USP3: variants seen among roughly 807,000 people sequenced by gnomAD.
The protein encoded by USP3 is ubiquitin specific peptidase 3.
In USP3, 20 loss-of-function variants were observed where a neutral mutation model predicts 72.3. The ratio of observed to expected loss-of-function variants is 0.28; its 90% CI spans 0.19 to 0.40. USP3 has a LOEUF of 0.40. Ranked by LOEUF, USP3 falls within the 10% of genes least tolerant of loss-of-function variation. USP3 has a pLI of 1.00. For missense variants in USP3, 479 were observed against 633.9 expected, an observed-to-expected ratio of 0.76 and a Z score of 2.62; for synonymous variants, 222 against 225.3, an observed-to-expected ratio of 0.99 and a Z score of 0.13.
Position 63,589,162 on chromosome 15 carries a change from T to C in USP3, c.1397+151T>C. The C allele has an allele frequency of 1.0e-5, 8 of 777,680 alleles. No individual in the cohort carries two copies. The South Asian group carries it at 1.4e-4, about 13-fold the overall frequency. The allele number at this position is 777,680 out of a possible 1,614,324, so 48.2% of individuals were successfully genotyped here. On this transcript the variant is annotated intron_variant, in intron 14 of 14. Transcript: ENST00000380324. The stretch of plus-strand genomic sequence containing the variant: ...CTTCAGTTTTGGTGCGGAAGAGTAC[T>C]CCTCAGATGATGTTGTGAAGGCTTA...
chr15:63,552,085 C>T (rs961506693), intron 3 of USP3, among the ~76,000 whole-genome samples: 3 of 152,138 alleles, frequency 2.0e-5, no homozygotes, highest in Non-Finnish European at 2.9e-5. Context: ...TTAATGGCAT[C>T]GTGTAAATAT....
At chr15:63,539,641 A>G (rs1000893293) in intron 3 of USP3, among the ~76,000 whole-genome samples, 23 of 152,204 alleles carry the variant, frequency 1.5e-4, no homozygotes, top group African/African-American at 4.8e-4. Context: ...AATTAAATGG[A>G]AAATCTTGAA....
intron 1 of USP3, among the ~76,000 whole-genome samples, chr15:63,516,610 T>A (rs1002412470): frequency 6.6e-6 from 1 of 152,060 alleles, no homozygotes; most frequent in African/African-American, 2.4e-5. Context: ...TCCTTTAGAG[T>A]TTTAAAGGCA....
At chr15:63,581,389 GTGTGTGTGTGTT>G (rs2066958655) in intron 11 of USP3, among the ~76,000 whole-genome samples, 1 of 84,014 alleles carries the variant, frequency 1.2e-5, no homozygotes, top group South Asian at 3.4e-4. Flanking sequence ...GTGTGTGTGT[GTGTGTGTGTGTT>G]TAGATGGAGT....
chr15:63,512,172 G>A (rs1474740267), intron 1 of USP3, among the ~76,000 whole-genome samples: 2 of 151,716 alleles, frequency 1.3e-5, no homozygotes, highest in Non-Finnish European at 1.5e-5. Context: ...TCCTGACCTC[G>A]TGATCCTCCT....
chr15:63,590,021 A>G (rs1379492454), intron 14 of USP3, among the ~76,000 whole-genome samples: 1 of 152,170 alleles, frequency 6.6e-6, no homozygotes, highest in Admixed American at 6.5e-5. Context: ...TTCTGCATTC[A>G]ATTCCTCAGG....
chr15:63,590,525 CATTA>C (rs2067176214), intron 14 of USP3, 132 bp from the exon 15 acceptor site: 3 of 889,372 alleles, frequency 3.4e-6, no homozygotes, highest in East Asian at 6.3e-5. Context: ...AAGGTAAAAA[CATTA>C]ATTTAACAAG....
chr15:63,556,783 A>G (rs1267036354), intron 5 of USP3, 35 bp downstream of exon 5: 1 of 1,390,660 alleles, frequency 7.2e-7, no homozygotes, highest in African/African-American at 1.5e-5. Context: ...TATAAGAGTT[A>G]GTTGAGATTT....
At chr15:63,535,687 C>G (rs1348992385) in intron 2 of USP3, among the ~76,000 whole-genome samples, 1 of 152,184 alleles carries the variant, frequency 6.6e-6, no homozygotes, top group Admixed American at 6.5e-5. Flanking sequence ...AACGTGATCA[C>G]ATTCCAAGTT....
At chr15:63,536,929 T>A in intron 2 of USP3, 96 bp from the exon 3 acceptor site, 1 of 1,309,834 alleles carries the variant, frequency 7.6e-7, no homozygotes. Flanking sequence ...ATAGGATTTC[T>A]TTATTTTGAT....
At chr15:63,563,998 G>C (rs2066648011) in intron 8 of USP3, among the ~76,000 whole-genome samples, 2 of 152,106 alleles carry the variant, frequency 1.3e-5, no homozygotes, top group African/African-American at 2.4e-5. Flanking sequence ...TAAATCTCCT[G>C]TCAGGAAAAA....
intron 1 of USP3, among the ~76,000 whole-genome samples, chr15:63,513,123 T>G (rs961740368): frequency 1.2e-4 from 19 of 152,228 alleles, no homozygotes; most frequent in African/African-American, 3.9e-4. Context: ...TTTCTCCTGT[T>G]ATTTTTTCTT....
chr15:63,574,285 C>CT lies in USP3; in HGVS notation c.1016-35dup. On this transcript the variant is annotated intron_variant, in intron 10 of 14. Transcript: ENST00000380324. This position sits in a 1 kb window ranked among gnomAD's most constrained non-coding sequence, Gnocchi z 4.6. ...AATTATTTTGAATGGACATATATGC[C>CT]TTTAACAGCTCTCTGTTTACCTCTC... 2 of 1,539,616 alleles carry CT rather than the reference C, an allele frequency of 1.3e-6. No individual in the cohort carries two copies.
chr15:63,581,451 T>G (rs1486802889), intron 11 of USP3, among the ~76,000 whole-genome samples: 1 of 149,352 alleles, frequency 6.7e-6, no homozygotes, highest in Non-Finnish European at 1.5e-5. Flanking sequence ...CGGTGCAATC[T>G]TGGCTCACTG....
Position 63,544,587 on chromosome 15 carries a change from T to C in USP3, c.284+7431T>C, listed in dbSNP as rs1270942371. 8 of 627,060 alleles carry C rather than the reference T, an allele frequency of 1.3e-5. No individual in the cohort carries two copies. Among genetic ancestry groups the C allele is most frequent in the Non-Finnish European group, 8.5e-6 (3 of 352,160 alleles). The allele number at this position is 627,060 out of a possible 1,614,324, so 38.8% of individuals were successfully genotyped here. A position where few individuals can be genotyped will look rare whatever the true frequency, so the allele number is the denominator to read the frequency against. ...AAGGAAGTAAACCTACATTAAATTT[T>C]AGGACAAGAAAACGATTGAGCCATG... On this transcript the variant is annotated intron_variant, in intron 3 of 14. Transcript: ENST00000380324. The surrounding 1 kb of genome is among the most constrained non-coding windows in gnomAD (Gnocchi z 4.2).
intron 14 of USP3, 25 bp from the exon 15 acceptor site, chr15:63,590,636 T>A (rs1372776602): frequency 1.3e-6 from 2 of 1,516,398 alleles, no homozygotes; most frequent in African/African-American, 1.4e-5. Context: ...AGGTTCTTTT[T>A]TCCTTTGGTC....
intron 1 of USP3, among the ~76,000 whole-genome samples, chr15:63,517,421 G>T (rs62011299): frequency 3.3e-5 from 5 of 152,044 alleles, no homozygotes; most frequent in Non-Finnish European, 7.4e-5. Flanking sequence ...TTTCTCCTGG[G>T]TTCCTCTTTT....
At chr15:63,535,438 C>G (rs2066141297) in intron 2 of USP3, among the ~76,000 whole-genome samples, 2 of 152,194 alleles carry the variant, frequency 1.3e-5, no homozygotes, top group African/African-American at 2.4e-5. Flanking sequence ...ACCCATGAGA[C>G]ACAAAGTACT....
At chr15:63,520,806 G>A (rs958695880) in intron 1 of USP3, among the ~76,000 whole-genome samples, 6 of 151,756 alleles carry the variant, frequency 4.0e-5, no homozygotes, top group Admixed American at 2.6e-4. Context: ...CAAGTGATCT[G>A]CTCACCTTGG....
Sources: gnomAD v4.1 joint callset for allele counts (sites outside exome capture counted in the v4.1 genomes callset) on GRCh38, gnomAD v4.1.1 for gene constraint, Gnocchi (gnomAD v3.1) non-coding constraint, MANE v1.5 for transcripts, NCBI Gene and HGNC (gene_info 2026-07-23, HGNC 2026-07-21) for gene names.